Variants in VPS8 observed in about 807,000 individuals in gnomAD.
The protein encoded by VPS8 is vacuolar protein sorting-associated protein 8 homolog.
Under a neutral mutation model 216.4 loss-of-function variants are expected in VPS8, and 129 were observed. The observed-to-expected ratio is 0.60, with a 90% CI of 0.52 to 0.69. The LOEUF is 0.69. VPS8 is among the 30% of genes least tolerant of loss of function. The pLI is 0.00. For synonymous variants in VPS8, 571 were observed against 565.4 expected, an observed-to-expected ratio of 1.01 and a Z score of -0.14; for missense variants, 1,531 against 1,683.5, an observed-to-expected ratio of 0.91 and a Z score of 1.59.
At chr3:184,860,361 ATATG>A (rs1464796427) in intron 15 of VPS8, among the ~76,000 whole-genome samples, 1 of 150,954 alleles carries the variant, frequency 6.6e-6, no homozygotes, top group Non-Finnish European at 1.5e-5. Flanking sequence ...AAAAAAAAGT[ATATG>A]TGTGTGTGTA....
In VPS8 at chr3:185,024,335, G is replaced by C. The variant is rs1406234841; in HGVS notation, c.4003-1G>C. Reference sequence around the variant, plus strand: ...TTAAAATGTTTGCCTTTTTTTTCCAGGTAAAAATGTCTCCATCGTATCATC... The same window carrying C: ...TTAAAATGTTTGCCTTTTTTTTCCACGTAAAAATGTCTCCATCGTATCATC... On this transcript the variant is annotated splice_acceptor_variant, in intron 45 of 47. Transcript: ENST00000625842. LOFTEE classifies it high-confidence loss of function. The C allele has an allele frequency of 1.3e-6, 2 of 1,587,388 alleles. No individual in the cohort carries two copies. Among genetic ancestry groups the C allele is most frequent in the South Asian group, 1.2e-5 (1 of 86,528 alleles).
In VPS8 at chr3:184,894,490, A is replaced by G. The variant is rs967645090; in HGVS notation, c.1782-213A>G. Among the ~76,000 whole-genome samples the G allele has an allele frequency of 5.8e-5, 8 of 138,708 alleles. No individual in the cohort carries two copies. In the East Asian group the frequency reaches 1.6e-3, roughly 28 times the overall value. The allele number at this position is 138,708 out of a possible 152,430, so 91.0% of individuals were successfully genotyped here. On this transcript the variant is annotated intron_variant, in intron 22 of 47. Coordinates refer to ENST00000625842, the MANE Select transcript of VPS8 (RefSeq NM_001009921.3). Reference sequence around the variant, plus strand: ...GGGAGGATTAATTGAGATTTTATATATATGTATATATACACACGTATATAT... The same window carrying G: ...GGGAGGATTAATTGAGATTTTATATGTATGTATATATACACACGTATATAT...
chr3:184,858,511 T>A (rs1468383849), intron 14 of VPS8, among the ~76,000 whole-genome samples: 1 of 152,160 alleles, frequency 6.6e-6, no homozygotes. Flanking sequence ...GGGTGCCCTT[T>A]ATAGACTTTT....
intron 3 of VPS8, among the ~76,000 whole-genome samples, chr3:184,826,483 TAA>T (rs1006223506): frequency 3.1e-4 from 47 of 152,320 alleles, no homozygotes; most frequent in African/African-American, 1.1e-3. Flanking sequence ...ACAGCATAGA[TAA>T]AGAGTATTTC....
intron 22 of VPS8, among the ~76,000 whole-genome samples, chr3:184,889,840 G>A (rs1040671381): frequency 5.3e-5 from 8 of 151,996 alleles, no homozygotes; most frequent in Non-Finnish European, 1.0e-4. Flanking sequence ...TTCTATATAT[G>A]GGCCTGAACT....
intron 5 of VPS8, 55 bp from the exon 6 acceptor site, chr3:184,838,659 T>C: frequency 7.0e-7 from 1 of 1,430,924 alleles, no homozygotes; most frequent in Admixed American, 2.3e-5. Flanking sequence ...CATATACCAT[T>C]TTCTGTTTTA....
chr3:184,927,894 T>A (rs996043199), intron 31 of VPS8, among the ~76,000 whole-genome samples: 2 of 152,250 alleles, frequency 1.3e-5, no homozygotes, highest in Non-Finnish European at 2.9e-5. Context: ...GCAGCATGCA[T>A]GTATCAGGTT....
Position 185,019,546 on chromosome 3 carries a change from G to T in VPS8, c.4003-4790G>T, listed in dbSNP as rs570642581. Among the ~76,000 whole-genome samples, 5 of 152,312 alleles carry T rather than the reference G, an allele frequency of 3.3e-5. No homozygotes were observed. The South Asian group carries it at 1.0e-3, about 32-fold the overall frequency. On this transcript the variant is annotated intron_variant, in intron 45 of 47. Coordinates refer to ENST00000625842, the MANE Select transcript of VPS8 (RefSeq NM_001009921.3). ...AATAAAGGGATGGGCCGAAATAAAG[G>T]GATGGGTCTGGCTAGTTATCTGCAA...
chr3:184,907,072 A>T (rs894070455), intron 25 of VPS8, among the ~76,000 whole-genome samples: 1 of 152,184 alleles, frequency 6.6e-6, no homozygotes, highest in Non-Finnish European at 1.5e-5. Context: ...TGTGTCCAAG[A>T]TGGGCAGCTT....
rs367973531 is a variant in VPS8 at position 184,832,724 on chromosome 3, T to C, written c.258T>C (p.Asp86=). Residue 86 remains aspartate, a synonymous_variant, in exon 4 of 48, where the codon GAT becomes GAC. Transcript: ENST00000625842. ...DDEDESFILE[D]PTLLNIDTID... is the part of the protein sequence containing the mutation. ...AAGATGAGTCTTTTATTCTTGAGGA[T>C]CCTACATTGTTAAACATTGATACTA... is the stretch of plus-strand genomic sequence containing the variant. 5.6e-6 allele frequency: 9 copies of C among 1,606,258 alleles called. No individual in the cohort carries two copies. Among genetic ancestry groups the C allele is most frequent in the African/African-American group, 1.3e-5 (1 of 74,674 alleles).
intron 21 of VPS8, among the ~76,000 whole-genome samples, chr3:184,875,056 C>CTTT (rs5855044): frequency 2.9e-4 from 29 of 100,290 alleles, no homozygotes; most frequent in Non-Finnish European, 4.2e-4. Flanking sequence ...GTTTTTAAAA[C>CTTT]TTTTTTTTTT....
chr3:184,881,571 A>C (rs1730273288), intron 21 of VPS8, among the ~76,000 whole-genome samples: 1 of 152,090 alleles, frequency 6.6e-6, no homozygotes, highest in Non-Finnish European at 1.5e-5. Context: ...AAGTCTTGAA[A>C]TTGGGTAGAC....
chr3:184,822,146 A>G (rs1414379734), intron 1 of VPS8, among the ~76,000 whole-genome samples: 2 of 151,918 alleles, frequency 1.3e-5, no homozygotes, highest in Non-Finnish European at 2.9e-5. Context: ...TGATTTATTT[A>G]TTTTATTTTT....
intron 25 of VPS8, among the ~76,000 whole-genome samples, chr3:184,912,821 A>C (rs1035839163): frequency 6.6e-6 from 1 of 152,242 alleles, no homozygotes; most frequent in African/African-American, 2.4e-5. Flanking sequence ...ATTACCAAAA[A>C]TAGAAACTCC....
At chr3:184,979,052 G>GT (rs1040281680) in intron 40 of VPS8, among the ~76,000 whole-genome samples, 11 of 151,916 alleles carry the variant, frequency 7.2e-5, no homozygotes, top group African/African-American at 2.7e-4. Context: ...TAATTTCATT[G>GT]TTTTTACCCA....
chr3:184,839,685 C>A lies in VPS8; in HGVS notation c.481-13C>A, dbSNP rs561172381. On this transcript the variant is annotated splice_polypyrimidine_tract_variant and intron_variant, in intron 6 of 47. Transcript: ENST00000625842. Reference sequence around the variant, plus strand: ...GTAATGTCTTAAAACGTAATCTTCCCTTTTGTTTTCAGGCAGTATCCAGTC... The same window carrying A: ...GTAATGTCTTAAAACGTAATCTTCCATTTTGTTTTCAGGCAGTATCCAGTC... 1.3e-6 allele frequency: 2 copies of A among 1,597,568 alleles called. No individual in the cohort carries two copies. Among genetic ancestry groups the A allele is most frequent in the South Asian group, 2.3e-5 (2 of 87,986 alleles).
chr3:184,890,877 AT>A (rs201050616), intron 22 of VPS8, among the ~76,000 whole-genome samples: 3 of 150,162 alleles, frequency 2.0e-5, no homozygotes, highest in Admixed American at 6.6e-5. Context: ...GGTTTTGTGT[AT>A]TTTTTTTTCA....
intron 24 of VPS8, 63 bp downstream of exon 24, chr3:184,898,717 T>C: frequency 8.1e-7 from 1 of 1,231,132 alleles, no homozygotes; most frequent in Non-Finnish European, 1.1e-6. Context: ...TCTCCTATTC[T>C]CCATTTGCTT....
chr3:184,878,029 C>T (rs139996961), intron 21 of VPS8, among the ~76,000 whole-genome samples: 78 of 151,990 alleles, frequency 5.1e-4, no homozygotes, highest in African/African-American at 1.4e-3. Context: ...TTTGAAACAA[C>T]GTAGAGGTAT....
Sources: allele counts gnomAD v4.1 joint callset (sites outside exome capture counted in the v4.1 genomes callset), GRCh38; gene constraint gnomAD v4.1.1; transcripts MANE v1.5; gene names NCBI Gene and HGNC (gene_info 2026-07-23, HGNC 2026-07-21).